The following RP1 variants were observed in gnomAD, a reference collection of about 807,000 sequenced individuals.
RP1 encodes RP1 axonemal microtubule associated.
RP1 carries 16 observed loss-of-function variants against 14.8 expected under a neutral mutation model. That is an observed-to-expected ratio of 1.08 (90% CI 0.73 to 1.65). The LOEUF (loss-of-function observed/expected upper bound fraction) is 1.65. RP1 is among the 40% of genes most tolerant of loss of function. The pLI, the probability that RP1 is intolerant of heterozygous loss-of-function variation, is 0.00. For missense variants in RP1, 2,631 were observed against 2,535.0 expected (o/e 1.04, Z -0.81); for synonymous variants, 876 against 883.6 (o/e 0.99, Z 0.15).
intron 22 of RP1, among the ~76,000 whole-genome samples, chr8:54,764,808 A>G (rs1175225424): frequency 6.6e-6 from 1 of 152,200 alleles, no homozygotes; most frequent in Non-Finnish European, 1.5e-5. Flanking sequence ...TCTTAACCTC[A>G]CTATGACACA....
chr8:54,688,646 G>A (rs558288763), intron 12 of RP1, among the ~76,000 whole-genome samples: 68 of 152,092 alleles, frequency 4.5e-4, no homozygotes, highest in Non-Finnish European at 9.4e-4. Flanking sequence ...TATTTCTGAG[G>A]CCTCTGCTCT....
chr8:54,853,769 AGAAAGGAAGG>A (rs1812112846), intron 26 of RP1, among the ~76,000 whole-genome samples: 7 of 130,846 alleles, frequency 5.3e-5, no homozygotes, highest in Admixed American at 1.5e-4. Flanking sequence ...AGAAAGAAAG[AGAAAGGAAGG>A]AAGAGAAAGA....
rs117276572 is a variant in RP1 at position 54,725,099 on chromosome 8, C to T, written c.2390-1246C>T. 5.0e-3 allele frequency among the ~76,000 whole-genome samples: 756 copies of T among 152,260 alleles called. 3 individuals carry two copies. Among genetic ancestry groups the T allele is most frequent in the Non-Finnish European group, 8.7e-3 (595 of 68,020 alleles). On this transcript the variant is annotated intron_variant, in intron 16 of 22. Transcript: ENST00000636932. ...CTGTAACCCCATCAATGTCAGAAGC[C>T]ATTTCTTATACATTGATTTGTTCCT...
intron 1 of RP1, among the ~76,000 whole-genome samples, chr8:54,582,461 C>G (rs10808889): frequency 0.58 from 85,070 of 147,658 alleles, 25,392 homozygotes; most frequent in Non-Finnish European, 0.65. Flanking sequence ...TGTTCTTTTG[C>G]CTTAGGATTG....
intron 1 of RP1, among the ~76,000 whole-genome samples, chr8:54,591,011 C>G (rs755694065): frequency 2.0e-5 from 3 of 152,182 alleles, no homozygotes; most frequent in African/African-American, 7.2e-5. Context: ...TAAGTCTCAA[C>G]AGTTCCATTC....
At chr8:54,811,314 A>G (rs534656553) in intron 24 of RP1, among the ~76,000 whole-genome samples, 3 of 152,286 alleles carry the variant, frequency 2.0e-5, no homozygotes, top group East Asian at 3.9e-4. Context: ...GCTTCCTGTA[A>G]TGATTATCCC....
chr8:54,723,925 A>G (rs1182022416), intron 16 of RP1, among the ~76,000 whole-genome samples: 1 of 152,152 alleles, frequency 6.6e-6, no homozygotes, highest in Non-Finnish European at 1.5e-5. Context: ...GCCCAGTTTT[A>G]TGGTATGAGC....
intron 1 of RP1, among the ~76,000 whole-genome samples, chr8:54,567,436 T>G (rs1274028871): frequency 6.6e-6 from 1 of 152,210 alleles, no homozygotes; most frequent in Non-Finnish European, 1.5e-5. Context: ...GGAATTTCAC[T>G]TATTATTATG....
At chr8:54,654,590 T>C (rs1296615764) in intron 5 of RP1, among the ~76,000 whole-genome samples, 1 of 152,204 alleles carries the variant, frequency 6.6e-6, no homozygotes, top group African/African-American at 2.4e-5. Flanking sequence ...TTTATAAATG[T>C]GAATTCCTGA....
chr8:54,715,472 A>T (rs1224587741), intron 15 of RP1, among the ~76,000 whole-genome samples: 1 of 152,242 alleles, frequency 6.6e-6, no homozygotes, highest in African/African-American at 2.4e-5. Context: ...TTCACTAATT[A>T]TACTTAGTGG....
chr8:54,694,864 T>G (rs1379157691), intron 12 of RP1, among the ~76,000 whole-genome samples: 4 of 152,194 alleles, frequency 2.6e-5, no homozygotes, highest in Non-Finnish European at 5.9e-5. Flanking sequence ...TCTGCTAGCT[T>G]TTGAATGTGT....
chr8:54,792,222 C>A (rs1197366278), intron 24 of RP1, among the ~76,000 whole-genome samples: 1 of 151,812 alleles, frequency 6.6e-6, no homozygotes, highest in Non-Finnish European at 1.5e-5. Flanking sequence ...ACATTTACAA[C>A]AATAGAAGTG....
In RP1 at chr8:54,630,750, T is replaced by TCAAAGTAC. The variant is rs1806232427; in HGVS notation, c.*398_*405dup. ...GTGAATAAATTGAATAGACATAACC[T>TCAAAGTAC]CAAAGTACTTCACTTATTCTTTTTA... On this transcript the variant is annotated 3_prime_UTR_variant, in exon 4 of 4. Transcript: ENST00000220676. 5.9e-6 allele frequency: 6 copies of TCAAAGTAC among 1,015,098 alleles called. No homozygotes were observed. Among genetic ancestry groups the TCAAAGTAC allele is most frequent in the Non-Finnish European group, 7.1e-6 (6 of 847,816 alleles). 62.9% of individuals were successfully genotyped at this position (1,015,098 alleles called of 1,614,324 possible). A position where few individuals can be genotyped will look rare whatever the true frequency, so the allele number is the denominator to read the frequency against.
chr8:54,789,491 G>A (rs568796942), intron 24 of RP1, among the ~76,000 whole-genome samples: 53 of 152,228 alleles, frequency 3.5e-4, no homozygotes, highest in African/African-American at 1.2e-3. Flanking sequence ...AGGGAAGGCA[G>A]CCCAGCCAGT....
intron 1 of RP1, among the ~76,000 whole-genome samples, chr8:54,592,653 A>C (rs62514582): frequency 0.21 from 31,349 of 152,030 alleles, 3,721 homozygotes; most frequent in East Asian, 0.36. Context: ...GGCACCAGGA[A>C]TGGGGCTTAT....
At chr8:54,797,313 G>C (rs1051526365) in intron 24 of RP1, among the ~76,000 whole-genome samples, 3 of 152,122 alleles carry the variant, frequency 2.0e-5, no homozygotes, top group African/African-American at 7.2e-5. Context: ...AATTAGGCTA[G>C]GAAATAGTTG....
upstream of RP1, among the ~76,000 whole-genome samples, chr8:54,615,903 G>C (rs1349443533): frequency 6.6e-6 from 1 of 152,178 alleles, no homozygotes; most frequent in Non-Finnish European, 1.5e-5. Context: ...ATAACACTAG[G>C]CAAGAAAGAA....
In RP1 at chr8:54,586,383, C is replaced by T. The variant is rs6990368; in HGVS notation, c.-13+27063C>T. Reference sequence around the variant, plus strand: ...TTTTTGTCTCAGAGGAGTACCAGGCCGTGTGAGGTGTCAGTCTGCCCCTAC... The same window carrying T: ...TTTTTGTCTCAGAGGAGTACCAGGCTGTGTGAGGTGTCAGTCTGCCCCTAC... On this transcript the variant is annotated intron_variant, in intron 1 of 22. Transcript: ENST00000636932. Among the ~76,000 whole-genome samples, 83 of 152,244 alleles carry T rather than the reference C, an allele frequency of 5.5e-4. 1 individual carries two copies. The highest frequency in any genetic ancestry group is 1.9e-3 in the African/African-American group (77 of 41,544).
chr8:54,681,268 C>T (rs1028333464), intron 12 of RP1, among the ~76,000 whole-genome samples: 8 of 152,012 alleles, frequency 5.3e-5, no homozygotes, highest in Admixed American at 2.0e-4. Context: ...GTAGGAAACA[C>T]GAGACCACTG....
Sources: allele counts gnomAD v4.1 joint callset (sites outside exome capture counted in the v4.1 genomes callset), GRCh38; gene constraint gnomAD v4.1.1; transcripts MANE v1.5; gene names NCBI Gene and HGNC (gene_info 2026-07-23, HGNC 2026-07-21).